The following CDH12 variants were observed in gnomAD, a reference collection of about 807,000 sequenced individuals.
CDH12 encodes the protein cadherin 12.
CDH12 carries 41 observed loss-of-function variants against 74.1 expected under a neutral mutation model. That is an observed-to-expected ratio of 0.55 (90% CI 0.43 to 0.72). The LOEUF (loss-of-function observed/expected upper bound fraction) is 0.72. CDH12 is among the 30% of genes least tolerant of loss of function. The pLI is 0.00. For missense variants in CDH12, 945 were observed against 977.2 expected (o/e 0.97, Z 0.44); for synonymous variants, 399 against 355.0 (o/e 1.12, Z -1.39).
At chr5:22,824,044 T>G (rs1339935430) in intron 1 of CDH12, among the ~76,000 whole-genome samples, 2 of 152,096 alleles carry the variant, frequency 1.3e-5, no homozygotes, top group Non-Finnish European at 2.9e-5. Context: ...GATAAAGAGA[T>G]AATAACTCCA....
chr5:21,938,723 C>CATACATATATATATATATAT (rs1554046011), intron 6 of CDH12, among the ~76,000 whole-genome samples: 2 of 112,078 alleles, frequency 1.8e-5, no homozygotes, highest in African/African-American at 8.0e-5. Context: ...ATATAATATA[C>CATACATATATATATATATAT]ATATATATAT....
At chr5:22,825,768 T>A (rs147663767) in intron 1 of CDH12, among the ~76,000 whole-genome samples, 1 of 152,134 alleles carries the variant, frequency 6.6e-6, no homozygotes, top group Non-Finnish European at 1.5e-5. Flanking sequence ...TGTAGTGATA[T>A]GACCCAACTC....
intron 6 of CDH12, among the ~76,000 whole-genome samples, chr5:21,926,530 G>A (rs548776331): frequency 1.3e-5 from 2 of 152,172 alleles, no homozygotes; most frequent in South Asian, 4.2e-4. Flanking sequence ...AGTTTCACTG[G>A]TACCTATGAA....
At chr5:22,066,543 C>A (rs1258097046) in intron 5 of CDH12, among the ~76,000 whole-genome samples, 1 of 152,160 alleles carries the variant, frequency 6.6e-6, no homozygotes. Flanking sequence ...GAGCCAGTGG[C>A]TCCTCAACCC....
chr5:22,459,695 CT>C (rs1214893987), intron 2 of CDH12, among the ~76,000 whole-genome samples: 1 of 152,112 alleles, frequency 6.6e-6, no homozygotes, highest in Admixed American at 6.5e-5. Context: ...CTGAAATTGG[CT>C]GGGTGCAGTG....
chr5:22,351,780 A>G (rs146380577), intron 3 of CDH12, among the ~76,000 whole-genome samples: 4 of 152,332 alleles, frequency 2.6e-5, no homozygotes, highest in East Asian at 1.9e-4. Context: ...CATATGCCCC[A>G]TGGAGGCAAG....
chr5:22,726,408 C>T (rs1014533182), intron 1 of CDH12, among the ~76,000 whole-genome samples: 4 of 151,704 alleles, frequency 2.6e-5, no homozygotes, highest in East Asian at 1.9e-4. Context: ...AATAATTCAT[C>T]GTCTAGATGT....
intron 3 of CDH12, among the ~76,000 whole-genome samples, chr5:22,268,172 G>T (rs1015744869): frequency 5.3e-5 from 8 of 152,016 alleles, no homozygotes; most frequent in Non-Finnish European, 8.8e-5. Flanking sequence ...TAGTCACTTA[G>T]AATGAAGCCA....
chr5:22,160,931 G>A (rs1266112506), intron 4 of CDH12, among the ~76,000 whole-genome samples: 1 of 152,192 alleles, frequency 6.6e-6, no homozygotes, highest in Non-Finnish European at 1.5e-5. Context: ...AGAAGCAGAA[G>A]ATGATTCATG....
At chr5:22,512,438 T>C (rs1223914154) in intron 1 of CDH12, among the ~76,000 whole-genome samples, 1 of 152,054 alleles carries the variant, frequency 6.6e-6, no homozygotes, top group African/African-American at 2.4e-5. Flanking sequence ...GAGAGACATG[T>C]CAAAAAAATC....
intron 4 of CDH12, among the ~76,000 whole-genome samples, chr5:22,173,183 T>C (rs1014821008): frequency 6.0e-5 from 9 of 150,286 alleles, no homozygotes; most frequent in African/African-American, 1.9e-4. Flanking sequence ...TGTGTGTACA[T>C]GTATGTACAT....
intron 3 of CDH12, among the ~76,000 whole-genome samples, chr5:22,238,349 T>G (rs1752629334): frequency 6.6e-6 from 1 of 152,200 alleles, no homozygotes; most frequent in African/African-American, 2.4e-5. Context: ...CTATCTTTTT[T>G]CAGTGCTTGA....
chr5:21,995,428 GTTAA>G (rs1357599250), intron 5 of CDH12, among the ~76,000 whole-genome samples: 1 of 151,864 alleles, frequency 6.6e-6, no homozygotes, highest in Non-Finnish European at 1.5e-5. Context: ...AATAATGGAA[GTTAA>G]TTAAATTTTA....
Position 22,483,359 on chromosome 5 carries a change from T to C in CDH12, c.-428+21911A>G, listed in dbSNP as rs1343623955. Among the ~76,000 whole-genome samples, 6 of 151,982 alleles carry C rather than the reference T, an allele frequency of 3.9e-5. No individual in the cohort carries two copies. In the East Asian group the frequency reaches 1.2e-3, roughly 30 times the overall value. Reference sequence around the variant, plus strand: ...ACACATTCTTTTTTTAAATAACTATTTATTGAATACCTACACTATGCCAGG... The same window carrying C: ...ACACATTCTTTTTTTAAATAACTATCTATTGAATACCTACACTATGCCAGG... On this transcript the variant is annotated intron_variant, in intron 2 of 14. Coordinates refer to ENST00000382254, the MANE Select transcript of CDH12 (RefSeq NM_004061.5).
intron 1 of CDH12, among the ~76,000 whole-genome samples, chr5:22,784,086 A>T (rs1241443443): frequency 1.3e-5 from 2 of 152,078 alleles, no homozygotes; most frequent in Non-Finnish European, 2.9e-5. Flanking sequence ...AAACATTTGT[A>T]TTTATATGTA....
At position 22,629,718 on chromosome 5, in the gene CDH12, C is replaced by T. The variant is rs547274800; in HGVS notation, c.-522-124354G>A. Among the ~76,000 whole-genome samples, 8 of 151,934 alleles carry T rather than the reference C, an allele frequency of 5.3e-5. No homozygotes were observed. The East Asian group carries it at 1.6e-3, about 29-fold the overall frequency. On this transcript the variant is annotated intron_variant, in intron 1 of 14. Coordinates refer to ENST00000382254, the MANE Select transcript of CDH12 (RefSeq NM_004061.5). ...ACTGGAACAAGACAAGGATACCCAC[C>T]CTTACTACTATTGTTTAATGTAGTA...
chr5:22,376,595 A>G (rs1197060872), intron 3 of CDH12, among the ~76,000 whole-genome samples: 1 of 151,838 alleles, frequency 6.6e-6, no homozygotes, highest in Non-Finnish European at 1.5e-5. Flanking sequence ...GCAGTAGCTA[A>G]TGCCTCAACC....
chr5:22,194,674 T>C (rs557796669), intron 4 of CDH12, among the ~76,000 whole-genome samples: 1 of 152,166 alleles, frequency 6.6e-6, no homozygotes, highest in Non-Finnish European at 1.5e-5. Flanking sequence ...AACTTGCCAC[T>C]TGGTCTGTCA....
intron 3 of CDH12, among the ~76,000 whole-genome samples, chr5:22,252,337 T>C (rs1370469333): frequency 6.6e-6 from 1 of 152,002 alleles, no homozygotes; most frequent in Non-Finnish European, 1.5e-5. Context: ...ATCAGTACAA[T>C]TATCTGTAGT....
Sources: gnomAD v4.1 joint callset for allele counts (sites outside exome capture counted in the v4.1 genomes callset) on GRCh38, gnomAD v4.1.1 for gene constraint, MANE v1.5 for transcripts, NCBI Gene and HGNC (gene_info 2026-07-23, HGNC 2026-07-21) for gene names.